PCDHGB5: variants seen among roughly 807,000 people sequenced by gnomAD.
PCDHGB5 encodes protocadherin gamma subfamily B, 5, also known as protocadherin gamma-B5.
PCDHGB5 carries 48 observed loss-of-function variants against 62.9 expected under a neutral mutation model. The observed-to-expected ratio is 0.76, with a 90% CI of 0.61 to 0.97. The LOEUF (loss-of-function observed/expected upper bound fraction) is 0.97. PCDHGB5 is among the 50% of genes least tolerant of loss of function. The pLI is 0.00. For synonymous variants in PCDHGB5, 474 were observed against 511.2 expected (o/e 0.93, Z 0.98); for missense variants, 1,118 against 1,198.6 (o/e 0.93, Z 0.99).
At chr5:141,423,427 G>T (rs2096739583) in intron 1 of PCDHGB5, 1 of 1,613,892 alleles carries the variant, frequency 6.2e-7, no homozygotes, top group Non-Finnish European at 8.5e-7. Flanking sequence ...AGGCGGGTTG[G>T]CAGGTATGCC....
In PCDHGB5 at chr5:141,490,261, G is replaced by T; in HGVS notation, c.2398-4546G>T. 6.2e-7 allele frequency: 1 copy of T among 1,614,218 alleles called. No individual in the cohort carries two copies. Among genetic ancestry groups the T allele is most frequent in the Non-Finnish European group, 8.5e-7 (1 of 1,180,038 alleles). ...CCACTGTGTGATTCAAGTGGATGTG[G>T]GGGATGTCAATGACAATGCCCCAGA... On this transcript the variant is annotated intron_variant, in intron 1 of 3. Coordinates refer to ENST00000617380, the MANE Select transcript of PCDHGB5 (RefSeq NM_018925.3). The surrounding 1 kb of genome is among the most constrained non-coding windows in gnomAD (Gnocchi z 5.4).
At chr5:141,464,862 C>T (rs1166573359) in intron 1 of PCDHGB5, among the ~76,000 whole-genome samples, 1 of 152,076 alleles carries the variant, frequency 6.6e-6, no homozygotes, top group African/African-American at 2.4e-5. Context: ...CCTTAGCCTC[C>T]CAAGTAGCTA....
chr5:141,469,552 C>G (rs956606902), intron 1 of PCDHGB5, among the ~76,000 whole-genome samples: 1 of 151,910 alleles, frequency 6.6e-6, no homozygotes, highest in African/African-American at 2.4e-5. Context: ...TCCAGCCTGG[C>G]GACAGAGTGA....
chr5:141,500,491 G>A (rs1595677531), intron 2 of PCDHGB5, among the ~76,000 whole-genome samples: 1 of 152,156 alleles, frequency 6.6e-6, no homozygotes, highest in East Asian at 1.9e-4. Context: ...TTACAGGCGT[G>A]AGCCACCGCG....
Position 141,487,845 on chromosome 5 carries a change from A to C in PCDHGB5, c.2398-6962A>C, listed in dbSNP as rs2099667978. ...GGGTCATGCCTATATCTGAGTAAGA[A>C]ATGAAAGTAATTGGTGATCAAGAGC... On this transcript the variant is annotated intron_variant, in intron 1 of 3. Coordinates refer to ENST00000617380, the MANE Select transcript of PCDHGB5 (RefSeq NM_018925.3). The surrounding 1 kb of genome is among the most constrained non-coding windows in gnomAD (Gnocchi z 5.0). 2.9e-6 allele frequency: 3 copies of C among 1,027,382 alleles called. No homozygotes were observed. Among genetic ancestry groups the C allele is most frequent in the Non-Finnish European group, 4.2e-6 (3 of 716,452 alleles). The allele number at this position is 1,027,382 out of a possible 1,614,324, so 63.6% of individuals were successfully genotyped here.
Position 141,421,312 on chromosome 5 carries a change from G to A in PCDHGB5, c.2397+20788G>A, listed in dbSNP as rs375071225. ...CCTGGGGACGCTGCGGGGGTTCCGGGCCAGGCAGATCCGATATTCGGTGCC... is the reference window on the plus strand; with the variant it reads ...CCTGGGGACGCTGCGGGGGTTCCGGACCAGGCAGATCCGATATTCGGTGCC... On this transcript the variant is annotated intron_variant, in intron 1 of 3. Coordinates refer to ENST00000617380, the MANE Select transcript of PCDHGB5 (RefSeq NM_018925.3). The A allele has an allele frequency of 1.9e-5, 31 of 1,613,630 alleles. No homozygotes were observed. The highest frequency in any genetic ancestry group is 1.4e-5 in the Non-Finnish European group (17 of 1,179,886).
Position 141,477,443 on chromosome 5 carries a change from G to C in PCDHGB5, c.2398-17364G>C. The C allele has an allele frequency of 6.2e-7, 1 of 1,614,136 alleles. No individual in the cohort carries two copies. Among genetic ancestry groups the C allele is most frequent in the Non-Finnish European group, 8.5e-7 (1 of 1,180,024 alleles). ...CCCTTCCCTCTCAGCCCTTACAATA[G>C]TGCGTGTTCAAGTGTCCGACATCAA... On this transcript the variant is annotated intron_variant, in intron 1 of 3. Coordinates refer to ENST00000617380, the MANE Select transcript of PCDHGB5 (RefSeq NM_018925.3). This position sits in a 1 kb window ranked among gnomAD's most constrained non-coding sequence, Gnocchi z 4.9.
Position 141,489,992 on chromosome 5 carries a change from TC to T in PCDHGB5, c.2398-4812del. The T allele has an allele frequency of 6.2e-7, 1 of 1,614,216 alleles. No individual in the cohort carries two copies. The highest frequency in any genetic ancestry group is 8.5e-7 in the Non-Finnish European group (1 of 1,180,016). On this transcript the variant is annotated intron_variant, in intron 1 of 3. Coordinates refer to ENST00000617380, the MANE Select transcript of PCDHGB5 (RefSeq NM_018925.3). The surrounding 1 kb of genome is among the most constrained non-coding windows in gnomAD (Gnocchi z 4.5). The stretch of plus-strand genomic sequence containing the variant: ...CAATCCTCAGTTCTACGTGTGGGAA[TC>T]CCAGAGAATGCACCCATTGGTACTC...
In PCDHGB5 at chr5:141,491,533, C is replaced by G. The variant is rs758270791; in HGVS notation, c.2398-3274C>G. 4.3e-6 allele frequency: 7 copies of G among 1,614,010 alleles called. No homozygotes were observed. The highest frequency in any genetic ancestry group is 5.1e-6 in the Non-Finnish European group (6 of 1,180,028). ...GCTCAAGTACATGGAGGTGACGCTGCGGCCCACAGACTCGCAGAGCCACTG... is the reference window on the plus strand; with the variant it reads ...GCTCAAGTACATGGAGGTGACGCTGGGGCCCACAGACTCGCAGAGCCACTG... On this transcript the variant is annotated intron_variant, in intron 1 of 3. Transcript: ENST00000617380. The surrounding 1 kb of genome is among the most constrained non-coding windows in gnomAD (Gnocchi z 6.9).
intron 1 of PCDHGB5, among the ~76,000 whole-genome samples, chr5:141,433,513 C>T (rs2097615953): frequency 6.6e-6 from 1 of 152,066 alleles, no homozygotes; most frequent in Non-Finnish European, 1.5e-5. Flanking sequence ...GGATTACAGG[C>T]GTGAACCACA....
At chr5:141,449,737 A>T (rs1174103155) in intron 1 of PCDHGB5, among the ~76,000 whole-genome samples, 3 of 151,666 alleles carry the variant, frequency 2.0e-5, no homozygotes, top group Non-Finnish European at 4.4e-5. Flanking sequence ...TTTTTATGAC[A>T]TGATTATTTT....
In PCDHGB5 at chr5:141,476,401, G is replaced by A. The variant is rs772438777; in HGVS notation, c.2398-18406G>A. The A allele has an allele frequency of 1.9e-6, 3 of 1,614,054 alleles. No individual in the cohort carries two copies. Among genetic ancestry groups the A allele is most frequent in the African/African-American group, 2.7e-5 (2 of 74,926 alleles). On this transcript the variant is annotated intron_variant, in intron 1 of 3. Coordinates refer to ENST00000617380, the MANE Select transcript of PCDHGB5 (RefSeq NM_018925.3). This position sits in a 1 kb window ranked among gnomAD's most constrained non-coding sequence, Gnocchi z 7.6. ...TTGTGAACGACCGTCTGGATCGAGA[G>A]GAGCTGTGTGGGACACTGCCCTCTT...
At position 141,432,463 on chromosome 5, in the gene PCDHGB5, C is replaced by T; in HGVS notation, c.2397+31939C>T. ...CCGAGATCCTGTACCCCGCCCTCCC[C>T]ACGGACGGTTCCACTGGCGTGGAGC... On this transcript the variant is annotated intron_variant, in intron 1 of 3. Transcript: ENST00000617380. The surrounding 1 kb of genome is among the most constrained non-coding windows in gnomAD (Gnocchi z 6.0). 6.2e-7 allele frequency: 1 copy of T among 1,614,238 alleles called. No individual in the cohort carries two copies. The highest frequency in any genetic ancestry group is 1.1e-5 in the South Asian group (1 of 91,084).
chr5:141,399,922 T>C lies in PCDHGB5; in HGVS notation c.1795T>C (p.Trp599Arg). The C allele has an allele frequency of 6.2e-7, 1 of 1,612,334 alleles. No individual in the cohort carries two copies. Among genetic ancestry groups the C allele is most frequent in the African/African-American group, 1.3e-5 (1 of 75,018 alleles). ...GGACGCAGACTCAGGACACAACGCC[T>C]GGCTGTCCTACCACGTGCTGCAGGC... ...AVDADSGHNA[W>R]LSYHVLQASE... Residue 599 changes from tryptophan (W) to arginine (R), a missense_variant, in exon 1 of 4, where the codon TGG becomes CGG. Around this residue, in one of 2 missense-constraint regions of PCDHGB5, gnomAD observed 1,034 missense variants for 1,029.1 expected, o/e 1.00. Coordinates refer to ENST00000617380, the MANE Select transcript of PCDHGB5 (RefSeq NM_018925.3).
chr5:141,422,450 G>C (rs748354292), intron 1 of PCDHGB5: 71 of 1,611,564 alleles, frequency 4.4e-5, no homozygotes, highest in Non-Finnish European at 5.9e-5. Flanking sequence ...TTGATAACAA[G>C]CAGAGTGCTG....
At chr5:141,481,703 C>T (rs909197135) in intron 1 of PCDHGB5, among the ~76,000 whole-genome samples, 1 of 152,090 alleles carries the variant, frequency 6.6e-6, no homozygotes, top group Admixed American at 6.5e-5. Context: ...CCTGTAATCC[C>T]AGCACTTTGG....
intron 1 of PCDHGB5, chr5:141,479,355 A>G (rs2099493778): frequency 6.6e-6 from 1 of 152,506 alleles, no homozygotes; most frequent in Non-Finnish European, 1.5e-5. Flanking sequence ...CTTGCTGCTC[A>G]GTGCCTGAGG....
rs562011010 is a variant in PCDHGB5, at chr5:141,427,600, G to A, written c.2397+27076G>A. On this transcript the variant is annotated intron_variant, in intron 1 of 3. Coordinates refer to ENST00000617380, the MANE Select transcript of PCDHGB5 (RefSeq NM_018925.3). ...TCATCCAGCACAAGCCTCACCCTAC[G>A]CATTGGTGAAGTCAACGACAATGCT... The A allele has an allele frequency of 6.7e-5, 46 of 683,296 alleles. 1 individual carries two copies. The East Asian group carries it at 1.2e-3, about 18-fold the overall frequency. 42.3% of individuals were successfully genotyped at this position (683,296 alleles called of 1,614,324 possible). A position where few individuals can be genotyped will look rare whatever the true frequency, so the allele number is the denominator to read the frequency against.
chr5:141,451,209 G>C (rs556588482), intron 1 of PCDHGB5, among the ~76,000 whole-genome samples: 1 of 152,266 alleles, frequency 6.6e-6, no homozygotes, highest in African/African-American at 2.4e-5. Flanking sequence ...CCAAAACTTA[G>C]TGGCTTAAAA....
Sources: gnomAD v4.1 joint callset for allele counts (sites outside exome capture counted in the v4.1 genomes callset) on GRCh38, gnomAD v4.1.1 for gene constraint, gnomAD v4.1.1 regional missense constraint, Gnocchi (gnomAD v3.1) non-coding constraint, MANE v1.5 for transcripts, NCBI Gene and HGNC (gene_info 2026-07-23, HGNC 2026-07-21) for gene names.